UNC13C: variants seen among roughly 807,000 people sequenced by gnomAD.
UNC13C encodes unc-13 homolog C.
Under a neutral mutation model 245.4 loss-of-function variants are expected in UNC13C, and 174 were observed. The observed-to-expected ratio is 0.71, with a 90% CI of 0.63 to 0.80. The LOEUF (loss-of-function observed/expected upper bound fraction) is 0.80. Ranked by LOEUF, UNC13C falls within the 30% of genes least tolerant of loss-of-function variation. The pLI is 0.00. For missense variants in UNC13C, 2,829 were observed against 2,602.9 expected (o/e 1.09, Z -1.89); for synonymous variants, 992 against 895.1 (o/e 1.11, Z -1.93).
At chr15:54,240,313 G>A (rs1399222309) in intron 7 of UNC13C, among the ~76,000 whole-genome samples, 1 of 152,154 alleles carries the variant, frequency 6.6e-6, no homozygotes, top group African/African-American at 2.4e-5. Flanking sequence ...CTATTGACGA[G>A]CTGTCGCATT....
intron 2 of UNC13C, among the ~76,000 whole-genome samples, chr15:54,051,694 T>C (rs1897273424): frequency 6.6e-6 from 1 of 151,920 alleles, no homozygotes; most frequent in Admixed American, 6.6e-5. Context: ...TCTGCTGGCA[T>C]TCGTGTTTTC....
chr15:54,189,166 A>G (rs964065355), intron 4 of UNC13C, among the ~76,000 whole-genome samples: 1 of 152,130 alleles, frequency 6.6e-6, no homozygotes, highest in Admixed American at 6.6e-5. Flanking sequence ...ACTAGATGAA[A>G]AGCTCATTTT....
At chr15:54,283,957 A>G (rs1212042901) in intron 10 of UNC13C, among the ~76,000 whole-genome samples, 3 of 152,178 alleles carry the variant, frequency 2.0e-5, no homozygotes, top group African/African-American at 7.2e-5. Context: ...AAAATGTGTA[A>G]CTAATACTGT....
chr15:54,122,024 A>C (rs191348523), intron 2 of UNC13C, among the ~76,000 whole-genome samples: 5 of 152,176 alleles, frequency 3.3e-5, no homozygotes, highest in Admixed American at 3.3e-4. Flanking sequence ...TATTGATTTT[A>C]ATAGGCTGTC....
intron 2 of UNC13C, among the ~76,000 whole-genome samples, chr15:54,048,231 T>C (rs2115825): frequency 0.37 from 55,829 of 152,078 alleles, 12,585 homozygotes; most frequent in Middle Eastern, 0.53. Flanking sequence ...TTGTTCTCCT[T>C]CTTTTGTAAT....
chr15:54,442,437 C>T (rs948422568), intron 19 of UNC13C, among the ~76,000 whole-genome samples: 3 of 151,612 alleles, frequency 2.0e-5, no homozygotes, highest in Non-Finnish European at 4.4e-5. Context: ...TGGCTAGGCT[C>T]GTCTTGAACT....
intron 8 of UNC13C, among the ~76,000 whole-genome samples, chr15:54,261,734 C>G (rs936793811): frequency 6.6e-6 from 1 of 152,080 alleles, no homozygotes; most frequent in African/African-American, 2.4e-5. Context: ...TTAGTAGAGA[C>G]AGAGTTTCAC....
At chr15:54,020,540 C>A (rs948085613) in intron 2 of UNC13C, among the ~76,000 whole-genome samples, 1 of 150,918 alleles carries the variant, frequency 6.6e-6, no homozygotes, top group Non-Finnish European at 1.5e-5. Context: ...GCCTTGGCCT[C>A]CCAAAGTGTT....
At chr15:54,225,721 G>T (rs1390467606) in intron 4 of UNC13C, among the ~76,000 whole-genome samples, 1 of 152,150 alleles carries the variant, frequency 6.6e-6, no homozygotes, top group Non-Finnish European at 1.5e-5. Flanking sequence ...GACAAGATGG[G>T]TTTTTTAGAT....
At position 53,996,832 on chromosome 15, in the gene UNC13C, G is replaced by GTT. The variant is rs61341886; in HGVS notation, c.-256-15806_-256-15805dup. On this transcript the variant is annotated intron_variant, in intron 1 of 32. Coordinates refer to ENST00000260323, the MANE Select transcript of UNC13C (RefSeq NM_001080534.3). ...ATTTGTATATTCATTCTCCTGATGG[G>GTT]TTTTTTTTTTTCATTTTTTGGCTAT... 3.3e-3 allele frequency among the ~76,000 whole-genome samples: 479 copies of GTT among 143,522 alleles called. 3 individuals are homozygous for GTT. The East Asian group carries it at 0.035, about 11-fold the overall frequency. 94.2% of individuals were successfully genotyped at this position (143,522 alleles called of 152,430 possible).
chr15:54,241,613 C>T (rs940639272), intron 7 of UNC13C, among the ~76,000 whole-genome samples: 1 of 152,162 alleles, frequency 6.6e-6, no homozygotes, highest in Non-Finnish European at 1.5e-5. Flanking sequence ...TTTGCTTCAT[C>T]AATAAAATGA....
chr15:54,288,264 GT>G (rs2037200459), intron 10 of UNC13C, among the ~76,000 whole-genome samples: 1 of 152,024 alleles, frequency 6.6e-6, no homozygotes, highest in African/African-American at 2.4e-5. Context: ...GATGAATTTC[GT>G]TTATCAGTTT....
intron 17 of UNC13C, among the ~76,000 whole-genome samples, chr15:54,376,120 A>G: frequency 6.6e-6 from 1 of 152,178 alleles, no homozygotes. Context: ...AATTGCTTTC[A>G]TGTAGTATCT....
At chr15:54,525,759 A>T in intron 25 of UNC13C, 122 bp downstream of exon 25, 2 of 788,962 alleles carry the variant, frequency 2.5e-6, no homozygotes, top group Non-Finnish European at 4.1e-6. Flanking sequence ...CCCAATCTAA[A>T]TGTCATTTTC....
the UNC13C span, among the ~76,000 whole-genome samples, chr15:53,933,641 T>C: frequency 1.3e-5 from 2 of 152,200 alleles, no homozygotes; most frequent in African/African-American, 2.4e-5. Flanking sequence ...TGCTGTAATT[T>C]AGTCATTCTG....
At chr15:54,047,097 T>C (rs1897071208) in intron 2 of UNC13C, among the ~76,000 whole-genome samples, 1 of 152,030 alleles carries the variant, frequency 6.6e-6, no homozygotes, top group East Asian at 1.9e-4. Context: ...TGGTAATAAT[T>C]TGGAGACAGA....
At chr15:54,551,228 T>G (rs905218430) in intron 28 of UNC13C, among the ~76,000 whole-genome samples, 1 of 152,100 alleles carries the variant, frequency 6.6e-6, no homozygotes, top group Non-Finnish European at 1.5e-5. Context: ...TGTGTGTAAG[T>G]TGGTTGTCTC....
At chr15:54,122,733 C>T (rs2030758994) in intron 2 of UNC13C, among the ~76,000 whole-genome samples, 1 of 151,982 alleles carries the variant, frequency 6.6e-6, no homozygotes, top group Non-Finnish European at 1.5e-5. Flanking sequence ...GCAGTGTGTA[C>T]AATTTTGCAT....
intron 2 of UNC13C, among the ~76,000 whole-genome samples, chr15:54,069,520 C>T (rs890302843): frequency 6.6e-6 from 1 of 152,172 alleles, no homozygotes; most frequent in Non-Finnish European, 1.5e-5. Context: ...AACTAAATTG[C>T]TCTCATGTAT....
Sources: allele counts gnomAD v4.1 joint callset (sites outside exome capture counted in the v4.1 genomes callset), GRCh38; gene constraint gnomAD v4.1.1; transcripts MANE v1.5; gene names NCBI Gene and HGNC (gene_info 2026-07-23, HGNC 2026-07-21).